PTGFRN: variants seen among roughly 807,000 people sequenced by gnomAD.
PTGFRN encodes prostaglandin F2 receptor negative regulator.
In PTGFRN, 35 loss-of-function variants were observed where a neutral mutation model predicts 83.2. That is an observed-to-expected ratio of 0.42 (90% CI 0.32 to 0.56). The LOEUF is 0.56. PTGFRN is among the 20% of genes least tolerant of loss of function. The pLI, the probability that PTGFRN is intolerant of heterozygous loss-of-function variation, is 0.11. For missense variants in PTGFRN, 1,051 were observed against 1,179.5 expected (o/e 0.89, Z 1.60); for synonymous variants, 519 against 498.6 (o/e 1.04, Z -0.55).
Position 116,941,788 on chromosome 1 carries a change from C to T in PTGFRN, c.123C>T (p.Ile41=), listed in dbSNP as rs763791050. The part of the protein sequence containing the change: ...LVRVVGTELV[I]PCNVSDYDGP... ...GAGTGGTGGGCACTGAGCTGGTCAT[C>T]CCCTGCAACGTCAGTGACTATGATG... is the stretch of plus-strand genomic sequence containing the variant. The change falls in exon 2 of 9, where the codon ATC becomes ATT. Residue 41 remains isoleucine, a synonymous_variant. Transcript: ENST00000393203. This position sits in a 1 kb window ranked among gnomAD's most constrained non-coding sequence, Gnocchi z 5.0. The T allele has an allele frequency of 1.9e-6, 3 of 1,614,090 alleles. No homozygotes were observed. Among genetic ancestry groups the T allele is most frequent in the African/African-American group, 1.3e-5 (1 of 74,924 alleles).
At chr1:116,978,326 T>C (rs1651216149) in intron 7 of PTGFRN, among the ~76,000 whole-genome samples, 3 of 152,204 alleles carry the variant, frequency 2.0e-5, no homozygotes, top group Admixed American at 6.5e-5. Context: ...CTTCTGAAAG[T>C]ATTCCAATCA....
At chr1:116,954,753 T>G (rs1048178682) in intron 4 of PTGFRN, among the ~76,000 whole-genome samples, 1 of 105,710 alleles carries the variant, frequency 9.5e-6, no homozygotes, top group Non-Finnish European at 2.3e-5. Flanking sequence ...TCACACACTC[T>G]GCAAGGCCTT....
intron 1 of PTGFRN, among the ~76,000 whole-genome samples, chr1:116,940,594 C>T (rs1650035727): frequency 6.6e-6 from 1 of 152,110 alleles, no homozygotes; most frequent in African/African-American, 2.4e-5. Context: ...GATAAAAATA[C>T]AAAATTAATA....
intron 5 of PTGFRN, among the ~76,000 whole-genome samples, chr1:116,966,534 G>A (rs1355439600): frequency 6.6e-6 from 1 of 152,246 alleles, no homozygotes; most frequent in African/African-American, 2.4e-5. Flanking sequence ...GGAGGTCATG[G>A]TGTTGTGTTC....
At chr1:116,947,545 T>C (rs1650232387) in intron 3 of PTGFRN, among the ~76,000 whole-genome samples, 1 of 152,212 alleles carries the variant, frequency 6.6e-6, no homozygotes, top group Non-Finnish European at 1.5e-5. Flanking sequence ...CAAAGTGAAC[T>C]ACACAGCTGA....
rs956138490 is a variant in PTGFRN at position 116,987,029 on chromosome 1, A to G, written c.*62A>G. On this transcript the variant is annotated 3_prime_UTR_variant, in exon 9 of 9. Transcript: ENST00000393203. ...GGAGCAATTGGGGCAAGAAGAGGAC[A>G]GTGATATTTTAAAACAAAGTGTGTT... 2.5e-6 allele frequency: 4 copies of G among 1,587,592 alleles called. No individual in the cohort carries two copies. The African/African-American group carries it at 5.4e-5, about 21-fold the overall frequency.
At chr1:116,926,891 A>C (rs2806863) in intron 1 of PTGFRN, among the ~76,000 whole-genome samples, 1 of 152,054 alleles carries the variant, frequency 6.6e-6, no homozygotes. Context: ...TAAAGTATCA[A>C]GGAAAAGTCA....
intron 1 of PTGFRN, among the ~76,000 whole-genome samples, chr1:116,935,978 G>C (rs1257381211): frequency 1.3e-5 from 2 of 152,150 alleles, no homozygotes; most frequent in Admixed American, 1.3e-4. Flanking sequence ...TTGTTACTTA[G>C]TAGCGGCATT....
intron 4 of PTGFRN, among the ~76,000 whole-genome samples, chr1:116,960,829 T>C (rs1331227505): frequency 6.6e-6 from 1 of 152,096 alleles, no homozygotes; most frequent in African/African-American, 2.4e-5. Context: ...CCGATACTGT[T>C]CCAGTGGGGG....
intron 1 of PTGFRN, among the ~76,000 whole-genome samples, chr1:116,934,974 T>C (rs1270098480): frequency 6.6e-6 from 1 of 152,236 alleles, no homozygotes; most frequent in African/African-American, 2.4e-5. Flanking sequence ...TCTGAGTGTT[T>C]ACCACCTTCC....
In PTGFRN at chr1:116,918,167, T is replaced by C. The variant is rs1306973160; in HGVS notation, c.49+7915T>C. On this transcript the variant is annotated intron_variant, in intron 1 of 8. Coordinates refer to ENST00000393203, the MANE Select transcript of PTGFRN (RefSeq NM_020440.4). This position sits in a 1 kb window ranked among gnomAD's most constrained non-coding sequence, Gnocchi z 4.1. ...GTGTGTTTTTAAAATCTACTTCTGT[T>C]CTTTATACCCTTCCAGCCTTACTTC... Among the ~76,000 whole-genome samples the C allele has an allele frequency of 6.6e-6, 1 of 152,212 alleles. No homozygotes were observed. The highest frequency in any genetic ancestry group is 2.4e-5 in the African/African-American group (1 of 41,456).
rs562634952 is a variant in PTGFRN at position 116,970,639 on chromosome 1, G to T, written c.2059+3309G>T. On this transcript the variant is annotated intron_variant, in intron 6 of 8. Transcript: ENST00000393203. ...TTCCAGGTTGAATAGATTGCCTAAG[G>T]TTTTATTTTATTTAATCCACAGAGT... Among the ~76,000 whole-genome samples the T allele has an allele frequency of 2.2e-3, 337 of 152,226 alleles. 4 individuals are homozygous for T. In the South Asian group the frequency reaches 0.026, roughly 12 times the overall value.
intron 1 of PTGFRN, among the ~76,000 whole-genome samples, chr1:116,937,558 G>A (rs1287031036): frequency 6.6e-6 from 1 of 152,176 alleles, no homozygotes; most frequent in East Asian, 1.9e-4. Flanking sequence ...GGATTTGTAT[G>A]TGGAAAATAT....
chr1:116,951,578 A>G, intron 4 of PTGFRN, among the ~76,000 whole-genome samples: 1 of 152,266 alleles, frequency 6.6e-6, no homozygotes, highest in East Asian at 1.9e-4. Context: ...GAAAGCAGTA[A>G]TGTTCAACTC....
intron 2 of PTGFRN, among the ~76,000 whole-genome samples, chr1:116,942,438 G>A (rs576805505): frequency 1.3e-5 from 2 of 152,264 alleles, no homozygotes; most frequent in Middle Eastern, 6.8e-3. Flanking sequence ...CTACTTGTCA[G>A]CTGCATGGCT....
chr1:116,921,710 A>G (rs2101052519), intron 1 of PTGFRN, among the ~76,000 whole-genome samples: 1 of 152,288 alleles, frequency 6.6e-6, no homozygotes, highest in East Asian at 1.9e-4. Context: ...ACAAAGTCCA[A>G]AATGGAATGG....
At chr1:116,957,502 G>A (rs113269882) in intron 4 of PTGFRN, among the ~76,000 whole-genome samples, 6 of 152,140 alleles carry the variant, frequency 3.9e-5, no homozygotes, top group Admixed American at 3.3e-4. Flanking sequence ...TTAATTGACA[G>A]ATTAAAATTA....
At chr1:116,933,534 C>T (rs1393692286) in intron 1 of PTGFRN, among the ~76,000 whole-genome samples, 1 of 152,176 alleles carries the variant, frequency 6.6e-6, no homozygotes, top group African/African-American at 2.4e-5. Context: ...CTTTCTGTTG[C>T]TCACTTTGCC....
At chr1:116,936,712 G>A (rs113272654) in intron 1 of PTGFRN, among the ~76,000 whole-genome samples, 1 of 152,336 alleles carries the variant, frequency 6.6e-6, no homozygotes, top group African/African-American at 2.4e-5. Context: ...GCATCAGAGA[G>A]TGGGAGAACA....
Sources: allele counts gnomAD v4.1 joint callset (sites outside exome capture counted in the v4.1 genomes callset), GRCh38; gene constraint gnomAD v4.1.1; non-coding constraint Gnocchi (gnomAD v3.1); transcripts MANE v1.5; gene names NCBI Gene and HGNC (gene_info 2026-07-23, HGNC 2026-07-21).